Variants in B3GNT3 observed in about 807,000 individuals in gnomAD.
The protein encoded by B3GNT3 is N-acetyllactosaminide beta-1,3-N-acetylglucosaminyltransferase 3.
In B3GNT3, 7 loss-of-function variants were observed where a neutral mutation model predicts 11.6. The ratio of observed to expected loss-of-function variants is 0.60; its 90% CI spans 0.34 to 1.13. B3GNT3 has a LOEUF of 1.13. Ranked by LOEUF, B3GNT3 falls within the 50% of genes most tolerant of loss-of-function variation. B3GNT3 has a pLI of 0.03. For synonymous variants in B3GNT3, 201 were observed against 222.1 expected, an observed-to-expected ratio of 0.90 and a Z score of 0.85; for missense variants, 400 against 507.4, an observed-to-expected ratio of 0.79 and a Z score of 2.03.
In B3GNT3 at chr19:17,811,185, G is replaced by C. The variant is rs1229753693; in HGVS notation, c.568-386G>C. ...ACTATGATCATAGCGCTACACTCTA[G>C]CCTGGGCAATAGAGCAAGACCCTGT... On this transcript the variant is annotated intron_variant, in intron 2 of 2. Transcript: ENST00000318683. The surrounding 1 kb of genome is among the most constrained non-coding windows in gnomAD (Gnocchi z 4.1). 6.6e-6 allele frequency among the ~76,000 whole-genome samples: 1 copy of C among 152,180 alleles called. No homozygotes were observed. Among genetic ancestry groups the C allele is most frequent in the African/African-American group, 2.4e-5 (1 of 41,446 alleles).
chr19:17,810,066 G>A (rs2147654750), intron 2 of B3GNT3, among the ~76,000 whole-genome samples: 1 of 152,244 alleles, frequency 6.6e-6, no homozygotes, highest in Middle Eastern at 3.4e-3. Context: ...GTGCATTCAG[G>A]ATTCAAGGTA....
intron 1 of B3GNT3, 29 bp from the exon 2 acceptor site, chr19:17,807,729 G>T: frequency 1.5e-6 from 2 of 1,362,104 alleles, no homozygotes; most frequent in South Asian, 2.8e-5. Flanking sequence ...TGCTCATGGC[G>T]AGTGTTCAGT....
At chr19:17,809,379 G>A (rs2094177743) in intron 2 of B3GNT3, among the ~76,000 whole-genome samples, 1 of 151,896 alleles carries the variant, frequency 6.6e-6, no homozygotes. Context: ...TTTGAGGCCA[G>A]CCTGAGCCAC....
At chr19:17,808,433 C>T in intron 2 of B3GNT3, 59 bp downstream of exon 2, 1 of 1,514,312 alleles carries the variant, frequency 6.6e-7, no homozygotes. Context: ...CAAATTACCA[C>T]CCACTCCTGA....
At chr19:17,796,781 A>G (rs1286377510) in intron 1 of B3GNT3, among the ~76,000 whole-genome samples, 2 of 152,166 alleles carry the variant, frequency 1.3e-5, no homozygotes, top group Admixed American at 1.3e-4. Flanking sequence ...GTTCCAGGCC[A>G]GAGTTCAGGA....
intron 2 of B3GNT3, among the ~76,000 whole-genome samples, chr19:17,809,521 A>T (rs886818461): frequency 1.3e-5 from 2 of 150,926 alleles, no homozygotes; most frequent in African/African-American, 4.9e-5. Context: ...ATCTCGGCTC[A>T]CTGCAACCTC....
chr19:17,808,452 G>T, intron 2 of B3GNT3, 78 bp downstream of exon 2: 1 of 1,436,356 alleles, frequency 7.0e-7, no homozygotes. Flanking sequence ...GAGGGACCCA[G>T]GGGACCAGAA....
At chr19:17,801,148 G>C (rs1295164246) in intron 1 of B3GNT3, among the ~76,000 whole-genome samples, 1 of 152,062 alleles carries the variant, frequency 6.6e-6, no homozygotes, top group Non-Finnish European at 1.5e-5. Context: ...TTAATGGATT[G>C]TTAATGTTCA....
chr19:17,806,474 C>T (rs1164482576), intron 1 of B3GNT3, among the ~76,000 whole-genome samples: 3 of 152,114 alleles, frequency 2.0e-5, no homozygotes, highest in Non-Finnish European at 2.9e-5. Flanking sequence ...TGCACGTTCA[C>T]GGATATTCAC....
rs1486087293 is a variant in B3GNT3 at position 17,813,369 on chromosome 19, T to C, written c.*1247T>C. On this transcript the variant is annotated 3_prime_UTR_variant, in exon 3 of 3. Transcript: ENST00000318683. ...TGGGAGGCTGAGGCGAGAGGATCGC[T>C]TGAGCCCAGGAGTTGGAGGCTGCAG... is the stretch of plus-strand genomic sequence containing the variant. Among the ~76,000 whole-genome samples the C allele has an allele frequency of 6.6e-6, 1 of 152,084 alleles. No homozygotes were observed. The highest frequency in any genetic ancestry group is 1.5e-5 in the Non-Finnish European group (1 of 68,030).
At chr19:17,800,362 A>T (rs1316756578) in intron 1 of B3GNT3, among the ~76,000 whole-genome samples, 8 of 151,892 alleles carry the variant, frequency 5.3e-5, no homozygotes, top group East Asian at 1.9e-4. Context: ...GGGACACAGC[A>T]AGCGAGACTC....
intron 1 of B3GNT3, among the ~76,000 whole-genome samples, chr19:17,795,640 C>T (rs1182401025): frequency 1.3e-5 from 2 of 152,194 alleles, no homozygotes; most frequent in African/African-American, 2.4e-5. Flanking sequence ...CCAGTCTCTC[C>T]CTGCGGTTCC....
intron 1 of B3GNT3, among the ~76,000 whole-genome samples, chr19:17,799,792 C>A (rs370132700): frequency 3.4e-4 from 7 of 20,764 alleles, no homozygotes; most frequent in African/African-American, 2.1e-3. Context: ...GTATCCAGGC[C>A]GGTTAGGGGT....
chr19:17,806,480 T>C (rs2094173099), intron 1 of B3GNT3, among the ~76,000 whole-genome samples: 1 of 152,136 alleles, frequency 6.6e-6, no homozygotes, highest in Non-Finnish European at 1.5e-5. Context: ...TTCACGGATA[T>C]TCACCTGTCT....
intron 2 of B3GNT3, 22 bp downstream of exon 2, chr19:17,808,396 T>C (rs1356011689): frequency 6.3e-7 from 1 of 1,575,494 alleles, no homozygotes. Flanking sequence ...TGGGGTCACC[T>C]GATCGGGGCC....
At position 17,811,636 on chromosome 19, in the gene B3GNT3, T is replaced by A; in HGVS notation, c.633T>A (p.Asp211Glu). The change falls in exon 3 of 3, where the codon GAT becomes GAA. Residue 211 changes from aspartate to glutamate, a missense_variant. Asp to Glu is a conservative substitution (Grantham distance 45, BLOSUM62 2). Coordinates refer to ENST00000318683, the MANE Select transcript of B3GNT3 (RefSeq NM_014256.4). The surrounding 1 kb of genome is among the most constrained non-coding windows in gnomAD (Gnocchi z 4.1). Reference protein sequence around the residue: ...ANASFVLNGDDDVFAHTDNMV... With the variant: ...ANASFVLNGDEDVFAHTDNMV... ...CCAGCTTCGTGCTCAACGGGGATGA[T>A]GACGTCTTTGCACACACAGACAACA... 1 of 1,614,218 alleles carries A rather than the reference T, an allele frequency of 6.2e-7. No individual in the cohort carries two copies. The highest frequency in any genetic ancestry group is 1.1e-5 in the South Asian group (1 of 91,088).
At position 17,795,200 on chromosome 19, in the gene B3GNT3, T is replaced by C. The variant is rs1474583048; in HGVS notation, c.-57T>C. The C allele has an allele frequency of 6.6e-6, 1 of 152,166 alleles. No individual in the cohort carries two copies. The highest frequency in any genetic ancestry group is 1.9e-4 in the East Asian group (1 of 5,182). 9.4% of individuals were successfully genotyped at this position (152,166 alleles called of 1,614,324 possible). A position where few individuals can be genotyped will look rare whatever the true frequency, so the allele number is the denominator to read the frequency against. On this transcript the variant is annotated 5_prime_UTR_variant, in exon 1 of 3. Coordinates refer to ENST00000318683, the MANE Select transcript of B3GNT3 (RefSeq NM_014256.4). ...TAGAGGGGCAGAGGCGGGACTGTCG[T>C]CTGGGGGTGAGTGTCGGCAGCCCCC...
Position 17,811,446 on chromosome 19 carries a change from C to G in B3GNT3, c.568-125C>G. Reference sequence around the variant, plus strand: ...TCCCAAGTAACCCCACAGGGCAGGGCCTTAACCCAGGCTGGATTGTGGACA... The same window carrying G: ...TCCCAAGTAACCCCACAGGGCAGGGGCTTAACCCAGGCTGGATTGTGGACA... On this transcript the variant is annotated intron_variant, in intron 2 of 2. Transcript: ENST00000318683. This position sits in a 1 kb window ranked among gnomAD's most constrained non-coding sequence, Gnocchi z 4.1. The G allele has an allele frequency of 1.0e-6, 1 of 996,994 alleles. No individual in the cohort carries two copies. The highest frequency in any genetic ancestry group is 1.4e-6 in the Non-Finnish European group (1 of 694,170). 61.8% of individuals were successfully genotyped at this position (996,994 alleles called of 1,614,324 possible). A position where few individuals can be genotyped will look rare whatever the true frequency, so the allele number is the denominator to read the frequency against.
At chr19:17,807,614 TTG>T in intron 1 of B3GNT3, 142 bp from the exon 2 acceptor site, 1 of 571,796 alleles carries the variant, frequency 1.7e-6, no homozygotes. Flanking sequence ...GAAATGGGTC[TTG>T]CAAGGGGTGG....
Sources: gnomAD v4.1 joint callset for allele counts (sites outside exome capture counted in the v4.1 genomes callset) on GRCh38, gnomAD v4.1.1 for gene constraint, Gnocchi (gnomAD v3.1) non-coding constraint, MANE v1.5 for transcripts, NCBI Gene and HGNC (gene_info 2026-07-23, HGNC 2026-07-21) for gene names.